The following CSGALNACT1 variants were observed in gnomAD, a reference collection of about 807,000 sequenced individuals.
CSGALNACT1 encodes beta4GalNAcT-1.
A neutral mutation model predicts 51.0 loss-of-function variants in CSGALNACT1; 52 were observed. The observed-to-expected ratio is 1.02, with a 90% CI of 0.82 to 1.29. CSGALNACT1 has a LOEUF of 1.29. Among genes scored for constraint, CSGALNACT1 ranks in the 50% most tolerant of loss-of-function variants. The pLI, the probability that CSGALNACT1 is intolerant of heterozygous loss-of-function variation, is 0.00. For missense variants in CSGALNACT1, 935 were observed against 679.2 expected (o/e 1.38, Z -4.19); for synonymous variants, 341 against 254.4 (o/e 1.34, Z -3.24).
chr8:19,715,663 A>T (rs989434236), intron 1 of CSGALNACT1, among the ~76,000 whole-genome samples: 9 of 152,144 alleles, frequency 5.9e-5, no homozygotes, highest in African/African-American at 2.2e-4. Context: ...TAATTTTTAT[A>T]TTGAAAGTGT....
chr8:19,541,246 A>T lies in CSGALNACT1; in HGVS notation c.-296-35116T>A, dbSNP rs1453949653. 8.1e-5 allele frequency among the ~76,000 whole-genome samples: 9 copies of T among 111,298 alleles called. No individual in the cohort carries two copies. The South Asian group carries it at 2.4e-3, about 29-fold the overall frequency. The allele number at this position is 111,298 out of a possible 152,430, so 73.0% of individuals were successfully genotyped here. On this transcript the variant is annotated intron_variant, in intron 3 of 9. Coordinates refer to ENST00000454498, the Ensembl canonical transcript of CSGALNACT1. The stretch of plus-strand genomic sequence containing the variant: ...AGGCACATGCCACCAAACTTGGCTA[A>T]TTTTTTTTTTTTTTTTTTTTTTGAG...
At chr8:19,584,111 G>A (rs1167852152) in intron 3 of CSGALNACT1, among the ~76,000 whole-genome samples, 1 of 152,194 alleles carries the variant, frequency 6.6e-6, no homozygotes, top group Non-Finnish European at 1.5e-5. Flanking sequence ...AAGTAGTAAA[G>A]AGGCCATTTC....
intron 3 of CSGALNACT1, among the ~76,000 whole-genome samples, chr8:19,533,304 T>C (rs1224385385): frequency 6.6e-6 from 1 of 151,996 alleles, no homozygotes; most frequent in Non-Finnish European, 1.5e-5. Flanking sequence ...TTTATTTTTA[T>C]AGAGATGGGG....
intron 1 of CSGALNACT1, among the ~76,000 whole-genome samples, chr8:19,646,774 A>C (rs2057317404): frequency 6.6e-6 from 1 of 152,192 alleles, no homozygotes; most frequent in African/African-American, 2.4e-5. Context: ...AAAAAGACCT[A>C]GCCGATAGTA....
intron 4 of CSGALNACT1, among the ~76,000 whole-genome samples, chr8:19,475,457 G>C (rs559787951): frequency 2.6e-5 from 4 of 152,138 alleles, no homozygotes; most frequent in Non-Finnish European, 4.4e-5. Flanking sequence ...CTGTACAAAA[G>C]TATGTTCCAA....
At chr8:19,606,329 A>G (rs2051359642), upstream of CSGALNACT1, among the ~76,000 whole-genome samples, 2 of 152,180 alleles carry the variant, frequency 1.3e-5, no homozygotes, top group Non-Finnish European at 2.9e-5. Context: ...CCCTTATGTT[A>G]TGGCACTGGA....
chr8:19,707,335 C>A (rs1226657103), intron 1 of CSGALNACT1, among the ~76,000 whole-genome samples: 1 of 152,114 alleles, frequency 6.6e-6, no homozygotes, highest in Non-Finnish European at 1.5e-5. Context: ...AACTAAGGGA[C>A]CCGATAAAAC....
At chr8:19,444,799 T>C (rs1586162240) in intron 5 of CSGALNACT1, among the ~76,000 whole-genome samples, 1 of 152,274 alleles carries the variant, frequency 6.6e-6, no homozygotes. Flanking sequence ...AGACATCTCA[T>C]GGCACTGATA....
intron 1 of CSGALNACT1, among the ~76,000 whole-genome samples, chr8:19,675,555 C>T (rs1230071458): frequency 3.3e-5 from 5 of 152,104 alleles, no homozygotes; most frequent in Admixed American, 1.3e-4. Context: ...TACAGTGGCG[C>T]GATCTTGGCT....
chr8:19,639,097 T>C (rs1276783893), intron 1 of CSGALNACT1, among the ~76,000 whole-genome samples: 1 of 152,134 alleles, frequency 6.6e-6, no homozygotes, highest in Non-Finnish European at 1.5e-5. Flanking sequence ...ACAGTAAATA[T>C]GAATGTTTCC....
At position 19,530,418 on chromosome 8, in the gene CSGALNACT1, CTT is replaced by C. The variant is rs553121745; in HGVS notation, c.-296-24290_-296-24289del. Among the ~76,000 whole-genome samples the C allele has an allele frequency of 2.2e-4, 34 of 152,176 alleles. No homozygotes were observed. In the East Asian group the frequency reaches 5.2e-3, roughly 23 times the overall value. ...ATATAATTTTATAATATCTATAACT[CTT>C]TGCTTCATTAACATAGATGAGTAAC... On this transcript the variant is annotated intron_variant, in intron 3 of 9. Coordinates refer to ENST00000454498, the Ensembl canonical transcript of CSGALNACT1.
chr8:19,549,308 A>G (rs146253723), intron 3 of CSGALNACT1, among the ~76,000 whole-genome samples: 86 of 152,158 alleles, frequency 5.7e-4, no homozygotes, highest in African/African-American at 1.9e-3. Flanking sequence ...ATTGTTCCTA[A>G]CTAAGCCCAA....
chr8:19,749,415 C>T (rs1396285817), intron 1 of CSGALNACT1, among the ~76,000 whole-genome samples: 2 of 151,728 alleles, frequency 1.3e-5, no homozygotes, highest in Non-Finnish European at 2.9e-5. Context: ...TTTGCTTATT[C>T]ACAGAAGGGC....
chr8:19,575,540 C>T (rs541422033), intron 3 of CSGALNACT1, among the ~76,000 whole-genome samples: 1 of 152,300 alleles, frequency 6.6e-6, no homozygotes, highest in East Asian at 1.9e-4. Flanking sequence ...TAATCCTGCT[C>T]CTCCATCAAA....
chr8:19,610,296 A>AAAAAG, intron 1 of CSGALNACT1, among the ~76,000 whole-genome samples: 1 of 150,546 alleles, frequency 6.6e-6, no homozygotes, highest in Non-Finnish European at 1.5e-5. Flanking sequence ...TCTCAAAAAA[A>AAAAAG]AAAAAAAAAA....
At position 19,677,087 on chromosome 8, in the gene CSGALNACT1, A is replaced by T. The variant is rs528431494; in HGVS notation, c.-544+5386T>A. 5.3e-5 allele frequency among the ~76,000 whole-genome samples: 8 copies of T among 150,560 alleles called. No individual in the cohort carries two copies. In the East Asian group the frequency reaches 1.5e-3, roughly 29 times the overall value. On this transcript the variant is annotated intron_variant, in intron 1 of 9. Transcript: ENST00000332246. ...GGGAAGAAAGAATGCACCAGAAGCT[A>T]AACAGAGGTGGCTTTGAGAATGCTT...
At chr8:19,556,429 T>A (rs763469763) in intron 3 of CSGALNACT1, among the ~76,000 whole-genome samples, 143 of 152,252 alleles carry the variant, frequency 9.4e-4, no homozygotes, top group Middle Eastern at 3.4e-3. Context: ...AAATCCTACT[T>A]TAACATCTGT....
At chr8:19,480,663 C>T (rs2153911093) in intron 4 of CSGALNACT1, among the ~76,000 whole-genome samples, 1 of 152,266 alleles carries the variant, frequency 6.6e-6, no homozygotes, top group East Asian at 1.9e-4. Flanking sequence ...GTTGCTGACC[C>T]ATCATTGGGA....
At chr8:19,621,315 T>C (rs1320070009) in intron 1 of CSGALNACT1, among the ~76,000 whole-genome samples, 1 of 152,142 alleles carries the variant, frequency 6.6e-6, no homozygotes, top group Non-Finnish European at 1.5e-5. Flanking sequence ...GTACACAAGT[T>C]TATTATAAAT....
Sources: allele counts gnomAD v4.1 joint callset (sites outside exome capture counted in the v4.1 genomes callset), GRCh38; gene constraint gnomAD v4.1.1; transcripts MANE v1.5; gene names NCBI Gene and HGNC (gene_info 2026-07-23, HGNC 2026-07-21).